Variants in CSTPP1 observed in about 807,000 individuals in gnomAD.
CSTPP1 encodes centriolar satellite-associated tubulin polyglutamylase complex regulator 1, also known as UPF0705 protein C11orf49.
At chr11:47,127,316 G>C in the CSTPP1 span, among the ~76,000 whole-genome samples, 1 of 152,178 alleles carries the variant, frequency 6.6e-6, no homozygotes. Context: ...AAAATGGTTT[G>C]CATAATTCTA....
At chr11:47,077,196 G>GTTTTTTTT in the CSTPP1 span, among the ~76,000 whole-genome samples, 1 of 135,522 alleles carries the variant, frequency 7.4e-6, no homozygotes, top group Non-Finnish European at 1.6e-5. Context: ...GGATAAAGTT[G>GTTTTTTTT]TTTTTTTTTT....
chr11:47,144,311 C>A, the CSTPP1 span, among the ~76,000 whole-genome samples: 2 of 152,032 alleles, frequency 1.3e-5, no homozygotes, highest in African/African-American at 4.8e-5. Context: ...GCCTCAGCCT[C>A]CCAAGTAGCT....
At chr11:47,059,074 C>T in the CSTPP1 span, among the ~76,000 whole-genome samples, 1 of 152,162 alleles carries the variant, frequency 6.6e-6, no homozygotes, top group Non-Finnish European at 1.5e-5. Flanking sequence ...CCATCATCCT[C>T]AGCAAACTAA....
chr11:47,093,949 A>C, the CSTPP1 span, among the ~76,000 whole-genome samples: 1 of 152,250 alleles, frequency 6.6e-6, no homozygotes, highest in African/African-American at 2.4e-5. Context: ...TGTTAAACTC[A>C]TAGAAAAGTA....
chr11:46,977,220 G>T, the CSTPP1 span, among the ~76,000 whole-genome samples: 1 of 152,208 alleles, frequency 6.6e-6, no homozygotes, highest in East Asian at 1.9e-4. Context: ...TGCTACATGG[G>T]CTAGGGACTC....
At chr11:47,144,847 GC>G in the CSTPP1 span, among the ~76,000 whole-genome samples, 1 of 152,048 alleles carries the variant, frequency 6.6e-6, no homozygotes. Context: ...ACCACACATG[GC>G]CGGACCACAT....
the CSTPP1 span, among the ~76,000 whole-genome samples, chr11:46,996,373 G>A: frequency 2.0e-5 from 3 of 151,096 alleles, no homozygotes; most frequent in East Asian, 3.9e-4. Flanking sequence ...GTGCAATCTC[G>A]ACTCACTGCA....
the CSTPP1 span, chr11:47,041,544 C>G: frequency 2.5e-6 from 1 of 392,622 alleles, no homozygotes; most frequent in Non-Finnish European, 5.2e-6. Context: ...TGCCCTTCAC[C>G]AGCCTCATGA....
chr11:46,987,647 T>G, the CSTPP1 span: 1 of 196,058 alleles, frequency 5.1e-6, no homozygotes, highest in Admixed American at 5.3e-5. Context: ...ATCTAGCCTG[T>G]TTTTTTTCAT....
chr11:46,936,772 A>T, the CSTPP1 span: 3 of 1,608,904 alleles, frequency 1.9e-6, no homozygotes, highest in African/African-American at 1.3e-5. Context: ...CGGAAGCCGG[A>T]GAGCTGGAGC....
At chr11:47,131,869 C>T in the CSTPP1 span, among the ~76,000 whole-genome samples, 5 of 151,708 alleles carry the variant, frequency 3.3e-5, no homozygotes, top group Admixed American at 2.6e-4. Context: ...CCCAGCTACT[C>T]GGGAGGCTGA....
the CSTPP1 span, chr11:47,157,015 G>A: frequency 9.9e-6 from 16 of 1,613,150 alleles, no homozygotes; most frequent in Middle Eastern, 1.6e-4. Flanking sequence ...CCACCCCCAC[G>A]GTTCCAGAAT....
chr11:47,148,920 G>T, the CSTPP1 span, among the ~76,000 whole-genome samples: 2 of 152,198 alleles, frequency 1.3e-5, no homozygotes, highest in African/African-American at 2.4e-5. Flanking sequence ...GGTGCAGCCC[G>T]TGCCACTAGA....
the CSTPP1 span, among the ~76,000 whole-genome samples, chr11:46,938,347 T>C: frequency 6.7e-6 from 1 of 148,154 alleles, no homozygotes; most frequent in African/African-American, 2.4e-5. Context: ...TATATATTAT[T>C]ATTATTATAT....
At chr11:47,045,295 G>A in the CSTPP1 span, among the ~76,000 whole-genome samples, 1 of 152,114 alleles carries the variant, frequency 6.6e-6, no homozygotes, top group Non-Finnish European at 1.5e-5. Context: ...AAGAACTACA[G>A]GTTTATGTAT....
chr11:47,116,753 C>T, the CSTPP1 span, among the ~76,000 whole-genome samples: 1 of 139,374 alleles, frequency 7.2e-6, no homozygotes, highest in Non-Finnish European at 1.5e-5. Flanking sequence ...CATCTCAGCT[C>T]ACTGCAAGCT....
chr11:46,996,428 C>T, the CSTPP1 span, among the ~76,000 whole-genome samples: 1 of 152,034 alleles, frequency 6.6e-6, no homozygotes, highest in African/African-American at 2.4e-5. Flanking sequence ...CTCAGCCTCC[C>T]GTCTAGCTGG....
chr11:46,945,260 G>T, the CSTPP1 span, among the ~76,000 whole-genome samples: 1 of 152,272 alleles, frequency 6.6e-6, no homozygotes, highest in African/African-American at 2.4e-5. Flanking sequence ...TAAAATAGGT[G>T]TTAAACTGAC....
At chr11:46,978,620 T>C in the CSTPP1 span, among the ~76,000 whole-genome samples, 5 of 152,230 alleles carry the variant, frequency 3.3e-5, no homozygotes, top group Non-Finnish European at 7.3e-5. Flanking sequence ...GCCTAGGCCT[T>C]TTTGTATCTA....
Sources: allele counts gnomAD v4.1 joint callset (sites outside exome capture counted in the v4.1 genomes callset), GRCh38; gene constraint gnomAD v4.1.1; transcripts MANE v1.5; gene names NCBI Gene and HGNC (gene_info 2026-07-23, HGNC 2026-07-21).